DICER1: variants seen among roughly 807,000 people sequenced by gnomAD.
DICER1 encodes dicer 1, ribonuclease III.
DICER1 carries 43 observed loss-of-function variants against 194.1 expected under a neutral mutation model. That is an observed-to-expected ratio of 0.22 (90% CI 0.17 to 0.29). The LOEUF is 0.29. Among genes scored for constraint, DICER1 ranks in the 10% least tolerant of loss-of-function variants. The pLI, the probability that DICER1 is intolerant of heterozygous loss-of-function variation, is 1.00. For missense variants in DICER1, 1,608 were observed against 2,317.0 expected, an observed-to-expected ratio of 0.69 and a Z score of 6.28; for synonymous variants, 832 against 820.5, an observed-to-expected ratio of 1.01 and a Z score of -0.24.
In DICER1 at chr14:95,103,986, G is replaced by A; in HGVS notation, c.3410C>T (p.Ala1137Val). Residue 1137 changes from alanine (A) to valine (V), a missense_variant, in exon 21 of 27, where the codon GCT becomes GTT. Physicochemically the swap from Ala to Val is moderately conservative, Grantham distance 64. This residue lies in a region of DICER1 where 222 missense variants were observed against 215.5 expected (regional missense o/e 1.03). Coordinates refer to ENST00000343455, the MANE Select transcript of DICER1 (RefSeq NM_177438.3). ...ATTTTCTAGAGAGGAGGTTCTATTA[G>A]CACCTTGATGTGCAGCATTTTCAGG... Reference protein sequence around the residue: ...IVPENAAHQGANRTSSLENHD... With the variant: ...IVPENAAHQGVNRTSSLENHD... 1.2e-6 allele frequency: 2 copies of A among 1,614,152 alleles called. No homozygotes were observed. Among genetic ancestry groups the A allele is most frequent in the Non-Finnish European group, 1.7e-6 (2 of 1,180,026 alleles).
intron 21 of DICER1, 107 bp from the exon 22 acceptor site, chr14:95,100,042 AATTAT>A: frequency 8.2e-7 from 1 of 1,217,082 alleles, no homozygotes; most frequent in East Asian, 2.5e-5. Context: ...TTAATCAATT[AATTAT>A]ATGTCATCAA....
At chr14:95,134,258 A>AT (rs1894191586) in intron 1 of DICER1, 1 of 152,184 alleles carries the variant, frequency 6.6e-6, no homozygotes, top group Non-Finnish European at 1.5e-5. Context: ...TGAAATAAAA[A>AT]TTTTTTCATG....
intron 1 of DICER1, 102 bp from the exon 2 acceptor site, chr14:95,133,605 T>C (rs1021190928): frequency 1.3e-5 from 11 of 869,030 alleles, no homozygotes; most frequent in African/African-American, 3.4e-5. Flanking sequence ...CTATGAGCCA[T>C]TCAAACTCTT....
chr14:95,141,417 A>G (rs1217205242), intron 1 of DICER1, among the ~76,000 whole-genome samples: 1 of 152,366 alleles, frequency 6.6e-6, no homozygotes, highest in Middle Eastern at 3.4e-3. Context: ...AGATATAAAA[A>G]GTTTAATTTG....
Position 95,104,101 on chromosome 14 carries a change from T to C in DICER1, c.3295A>G (p.Lys1099Glu), listed in dbSNP as rs1566769625. 6.2e-7 allele frequency: 1 copy of C among 1,613,764 alleles called. No individual in the cohort carries two copies. Among genetic ancestry groups the C allele is most frequent in the South Asian group, 1.1e-5 (1 of 91,056 alleles). The change falls in exon 21 of 27, where the codon AAA (lysine) becomes GAA (glutamate). Residue 1099 changes from lysine (K) to glutamate (E), a missense_variant. This residue lies in a region of DICER1 where 79 missense variants were observed against 176.1 expected (regional missense o/e 0.45). Coordinates refer to ENST00000343455, the MANE Select transcript of DICER1 (RefSeq NM_177438.3). Reference sequence around the variant, plus strand: ...AAAGATTTGCTGTCAATAGATTTTTTCCACCCGAAGTCTAAGTTAGGGTAT... The same window carrying C: ...AAAGATTTGCTGTCAATAGATTTTTCCCACCCGAAGTCTAAGTTAGGGTAT... ...FRYPNLDFGW[K>E]KSIDSKSFIS...
chr14:95,095,814 G>T lies in DICER1; in HGVS notation c.5095+11C>A. On this transcript the variant is annotated intron_variant, in intron 23 of 26. Coordinates refer to ENST00000343455, the MANE Select transcript of DICER1 (RefSeq NM_177438.3). Reference sequence around the variant, plus strand: ...TTTCCCAGAAATGAAGTCTGGTCGTGGGCTCCTTACCAGTGATAGTATTGT... The same window carrying T: ...TTTCCCAGAAATGAAGTCTGGTCGTTGGCTCCTTACCAGTGATAGTATTGT... 6.2e-7 allele frequency: 1 copy of T among 1,613,720 alleles called. No individual in the cohort carries two copies. The highest frequency in any genetic ancestry group is 1.1e-5 in the South Asian group (1 of 91,052).
chr14:95,127,675 G>T (rs1302738407), intron 6 of DICER1, among the ~76,000 whole-genome samples: 2 of 152,346 alleles, frequency 1.3e-5, no homozygotes, highest in African/African-American at 2.4e-5. Flanking sequence ...AAAGGTTTCA[G>T]ATTTTGGAGC....
intron 1 of DICER1, among the ~76,000 whole-genome samples, chr14:95,156,219 C>A (rs193084170): frequency 1.3e-5 from 2 of 152,202 alleles, no homozygotes; most frequent in African/African-American, 2.4e-5. Flanking sequence ...AAAACAAGCA[C>A]CACGAAGACA....
At chr14:95,110,366 G>A (rs966735846) in intron 14 of DICER1, among the ~76,000 whole-genome samples, 2 of 152,194 alleles carry the variant, frequency 1.3e-5, no homozygotes, top group South Asian at 2.1e-4. Flanking sequence ...CAGGGCACAC[G>A]CACATGCATC....
chr14:95,095,046 T>C lies in DICER1; in HGVS notation c.5095+779A>G, dbSNP rs187580219. Among the ~76,000 whole-genome samples, 8 of 152,360 alleles carry C rather than the reference T, an allele frequency of 5.3e-5. No individual in the cohort carries two copies. In the East Asian group the frequency reaches 7.7e-4, roughly 15 times the overall value. ...TCAGTCTTTCCAGTCCAGAGTCAGA[T>C]AGTTTTTCACTTTTTGGTTTTTACA... On this transcript the variant is annotated intron_variant, in intron 23 of 26. Transcript: ENST00000343455.
chr14:95,155,073 G>A (rs577502149), intron 1 of DICER1, among the ~76,000 whole-genome samples: 1 of 152,198 alleles, frequency 6.6e-6, no homozygotes, highest in Admixed American at 6.5e-5. Flanking sequence ...ATTCGATCTC[G>A]GCTCTGCCAC....
At chr14:95,126,820 A>G in intron 6 of DICER1, 72 bp from the exon 7 acceptor site, 1 of 946,268 alleles carries the variant, frequency 1.1e-6, no homozygotes, top group Non-Finnish European at 1.6e-6. Context: ...TTTTTCAAAA[A>G]GCAAAAAAAA....
chr14:95,109,531 G>A (rs1891763085), intron 14 of DICER1, among the ~76,000 whole-genome samples: 1 of 152,146 alleles, frequency 6.6e-6, no homozygotes, highest in African/African-American at 2.4e-5. Flanking sequence ...ACCACACCCA[G>A]CCAATACTAT....
Position 95,116,493 on chromosome 14 carries a change from C to G in DICER1, c.1712G>C (p.Ser571Thr), listed in dbSNP as rs1892481172. The change falls in exon 10 of 27, where the codon AGT becomes ACT. Residue 571 changes from serine to threonine, a missense_variant. Coordinates refer to ENST00000343455, the MANE Select transcript of DICER1 (RefSeq NM_177438.3). ...IMLADTDKIK[S>T]FEEDLKTYKA... ...GTAGGTTTTAAGGTCTTCTTCAAAA[C>G]TTTTTATTTTGTCTGTATCCGCTAA... 6.2e-7 allele frequency: 1 copy of G among 1,613,354 alleles called. No individual in the cohort carries two copies. The highest frequency in any genetic ancestry group is 1.7e-5 in the Admixed American group (1 of 59,976).
intron 23 of DICER1, 71 bp from the exon 24 acceptor site, chr14:95,094,227 C>T: frequency 6.4e-7 from 1 of 1,550,456 alleles, no homozygotes; most frequent in Non-Finnish European, 8.9e-7. Flanking sequence ...AGCAACTGAT[C>T]CCCAAATCCG....
At chr14:95,093,764 C>T (rs1239673332) in intron 24 of DICER1, 124 bp downstream of exon 24, 4 of 1,054,734 alleles carry the variant, frequency 3.8e-6, no homozygotes, top group African/African-American at 1.6e-5. Context: ...CAGAACACAG[C>T]ACACTGGGTC....
chr14:95,135,065 G>C lies in DICER1; in HGVS notation c.-45-1562C>G, dbSNP rs77063997. ...TTAATACAACTGCCAAGAACCCTAT[G>C]TGGAAGTCTATTTTACCAAAATGTC... On this transcript the variant is annotated intron_variant, in intron 1 of 26. Coordinates refer to ENST00000343455, the MANE Select transcript of DICER1 (RefSeq NM_177438.3). Among the ~76,000 whole-genome samples the C allele has an allele frequency of 2.5e-3, 378 of 152,178 alleles. 11 individuals are homozygous for C. The East Asian group carries it at 0.055, about 22-fold the overall frequency.
At chr14:95,104,932 CTT>C (rs1472868956) in intron 20 of DICER1, 137 bp downstream of exon 20, 6 of 820,514 alleles carry the variant, frequency 7.3e-6, no homozygotes, top group African/African-American at 3.4e-5. Context: ...CCCTCTGAGA[CTT>C]GACAAGACAT....
chr14:95,157,918 C>G (rs891778642), upstream of DICER1: 1 of 152,294 alleles, frequency 6.6e-6, no homozygotes, highest in Non-Finnish European at 1.5e-5. Flanking sequence ...CCTCCCTCCC[C>G]TTTTTAAAGT....
Sources: gnomAD v4.1 joint callset for allele counts (sites outside exome capture counted in the v4.1 genomes callset) on GRCh38, gnomAD v4.1.1 for gene constraint, gnomAD v4.1.1 regional missense constraint, MANE v1.5 for transcripts, NCBI Gene and HGNC (gene_info 2026-07-23, HGNC 2026-07-21) for gene names.